The following UBASH3B variants were observed in gnomAD, a reference collection of about 807,000 sequenced individuals.
The protein encoded by UBASH3B is ubiquitin-associated and SH3 domain-containing protein B.
Under a neutral mutation model 83.4 loss-of-function variants are expected in UBASH3B, and 37 were observed. That is an observed-to-expected ratio of 0.44 (90% CI 0.34 to 0.58). The LOEUF (loss-of-function observed/expected upper bound fraction) is 0.58, where lower values mean the gene tolerates loss of function less well. Among genes scored for constraint, UBASH3B ranks in the 20% least tolerant of loss-of-function variants. The probability of loss-of-function intolerance (pLI) is 0.01; values close to 1 mark genes in which losing one functional copy is unlikely to be tolerated. For synonymous variants in UBASH3B, 304 were observed against 318.3 expected (o/e 0.96, Z 0.48); for missense variants, 657 against 827.2 (o/e 0.79, Z 2.52).
chr11:122,687,285 T>C (rs542621468), intron 1 of UBASH3B, among the ~76,000 whole-genome samples: 7 of 152,350 alleles, frequency 4.6e-5, no homozygotes, highest in African/African-American at 7.2e-5. Flanking sequence ...GTAGACACTT[T>C]AGCAGTGTGT....
At chr11:122,787,219 G>T (rs1860971394) in intron 5 of UBASH3B, among the ~76,000 whole-genome samples, 1 of 152,162 alleles carries the variant, frequency 6.6e-6, no homozygotes, top group Admixed American at 6.5e-5. Flanking sequence ...CACACATTTA[G>T]CTTTGCAGTT....
intron 1 of UBASH3B, among the ~76,000 whole-genome samples, chr11:122,691,633 A>G (rs1863899003): frequency 6.6e-6 from 1 of 152,244 alleles, no homozygotes. Flanking sequence ...CAAAGATACC[A>G]GTTCATCTGT....
intron 10 of UBASH3B, among the ~76,000 whole-genome samples, chr11:122,800,544 ACT>A (rs1427906238): frequency 6.6e-6 from 1 of 151,826 alleles, no homozygotes; most frequent in Non-Finnish European, 1.5e-5. Context: ...ACAGAGCAAG[ACT>A]CTGTATCAAA....
intron 1 of UBASH3B, among the ~76,000 whole-genome samples, chr11:122,663,280 C>T (rs1300541783): frequency 7.9e-5 from 12 of 152,142 alleles, no homozygotes; most frequent in African/African-American, 1.2e-4. Context: ...CCTGGCCTTA[C>T]GCCAGAATTT....
At chr11:122,715,878 G>A (rs1274703448) in intron 1 of UBASH3B, among the ~76,000 whole-genome samples, 3 of 152,204 alleles carry the variant, frequency 2.0e-5, no homozygotes, top group East Asian at 1.9e-4. Flanking sequence ...GCACTCCTCC[G>A]CCAAGGACTA....
chr11:122,784,249 T>A (rs1860909582), intron 5 of UBASH3B, among the ~76,000 whole-genome samples: 1 of 152,188 alleles, frequency 6.6e-6, no homozygotes, highest in Non-Finnish European at 1.5e-5. Context: ...TGTCTTTTTC[T>A]ATCCTGAAGG....
At chr11:122,720,401 A>T (rs78676560) in intron 1 of UBASH3B, among the ~76,000 whole-genome samples, 2,099 of 152,142 alleles carry the variant, frequency 0.014, 55 homozygotes, top group African/African-American at 0.047. Context: ...TTGCCTCCAA[A>T]CTGGTCTCCC....
chr11:122,806,743 A>T lies in UBASH3B; in HGVS notation c.1702+227A>T, dbSNP rs1399773963. ...CTTAGTTACTATTCTTAATAACTTA[A>T]ATTCTGCGTTATAGCTATTCTTCTT... On this transcript the variant is annotated intron_variant, in intron 12 of 13. Coordinates refer to ENST00000284273, the MANE Select transcript of UBASH3B (RefSeq NM_032873.5). This position sits in a 1 kb window ranked among gnomAD's most constrained non-coding sequence, Gnocchi z 4.0. 6.6e-6 allele frequency among the ~76,000 whole-genome samples: 1 copy of T among 152,192 alleles called. No individual in the cohort carries two copies. Among genetic ancestry groups the T allele is most frequent in the African/African-American group, 2.4e-5 (1 of 41,450 alleles).
intron 1 of UBASH3B, among the ~76,000 whole-genome samples, chr11:122,763,370 G>A (rs11218798): frequency 0.15 from 23,484 of 152,116 alleles, 2,015 homozygotes; most frequent in Middle Eastern, 0.24. Flanking sequence ...TAAAAACATC[G>A]GGAAACCTAA....
intron 3 of UBASH3B, 114 bp from the exon 4 acceptor site, chr11:122,779,383 G>A (rs1860806311): frequency 3.5e-6 from 4 of 1,132,194 alleles, no homozygotes; most frequent in Admixed American, 3.7e-5. Flanking sequence ...TAGTGGTTAA[G>A]TAATTGCATT....
intron 1 of UBASH3B, among the ~76,000 whole-genome samples, chr11:122,696,729 C>T (rs1053680446): frequency 1.5e-4 from 23 of 152,236 alleles, no homozygotes; most frequent in Non-Finnish European, 3.2e-4. Flanking sequence ...GCAGCCACAT[C>T]AGAGCAGAAT....
chr11:122,676,729 G>A (rs966875833), intron 1 of UBASH3B, among the ~76,000 whole-genome samples: 2 of 151,988 alleles, frequency 1.3e-5, no homozygotes, highest in Non-Finnish European at 2.9e-5. Context: ...TCTAAATAGC[G>A]ACATTCCAGC....
intron 1 of UBASH3B, among the ~76,000 whole-genome samples, chr11:122,761,140 G>A (rs564230872): frequency 6.6e-6 from 1 of 152,182 alleles, no homozygotes; most frequent in Admixed American, 6.5e-5. Flanking sequence ...GGCAGAGGAG[G>A]GTTTCTCTTA....
chr11:122,731,252 A>G (rs1247334496), intron 1 of UBASH3B, among the ~76,000 whole-genome samples: 1 of 152,214 alleles, frequency 6.6e-6, no homozygotes, highest in Non-Finnish European at 1.5e-5. Context: ...AAACCAGCAC[A>G]AATTTCTTCT....
intron 1 of UBASH3B, among the ~76,000 whole-genome samples, chr11:122,680,044 T>A (rs1253882059): frequency 1.3e-5 from 2 of 152,208 alleles, no homozygotes; most frequent in African/African-American, 4.8e-5. Flanking sequence ...TTGGCCAGGC[T>A]GGTCTCGAAC....
chr11:122,797,099 T>G, intron 9 of UBASH3B, 66 bp downstream of exon 9: 10 of 1,515,614 alleles, frequency 6.6e-6, no homozygotes, highest in Non-Finnish European at 8.8e-6. Flanking sequence ...ACTGGTACCA[T>G]GGATATGCAA....
rs191994124 is a variant in UBASH3B at position 122,712,970 on chromosome 11, C to T, written c.161+56760C>T. On this transcript the variant is annotated intron_variant, in intron 1 of 13. Coordinates refer to ENST00000284273, the MANE Select transcript of UBASH3B (RefSeq NM_032873.5). ...TCGCCCAGGCTGGAGTGCAGTGGTG[C>T]GATCTCGGCTCACTGCAAGCTCCGC... Among the ~76,000 whole-genome samples, 37 of 123,340 alleles carry T rather than the reference C, an allele frequency of 3.0e-4. No individual in the cohort carries two copies. The East Asian group carries it at 9.5e-3, about 32-fold the overall frequency. 80.9% of individuals were successfully genotyped at this position (123,340 alleles called of 152,430 possible).
intron 1 of UBASH3B, among the ~76,000 whole-genome samples, chr11:122,663,797 C>A (rs1863479566): frequency 6.6e-6 from 1 of 152,220 alleles, no homozygotes; most frequent in Non-Finnish European, 1.5e-5. Context: ...AGCTCTGCCT[C>A]TTACCAGCTG....
chr11:122,803,895 CA>C (rs1354433144), intron 11 of UBASH3B, among the ~76,000 whole-genome samples: 2 of 151,984 alleles, frequency 1.3e-5, no homozygotes, highest in Non-Finnish European at 2.9e-5. Flanking sequence ...ACAGGGCCTG[CA>C]GGTGTGGCTA....
Sources: allele counts gnomAD v4.1 joint callset (sites outside exome capture counted in the v4.1 genomes callset), GRCh38; gene constraint gnomAD v4.1.1; non-coding constraint Gnocchi (gnomAD v3.1); transcripts MANE v1.5; gene names NCBI Gene and HGNC (gene_info 2026-07-23, HGNC 2026-07-21).